The following PLEKHA7 variants were observed in gnomAD, a reference collection of about 807,000 sequenced individuals.
The protein encoded by PLEKHA7 is pleckstrin homology domain-containing family A member 7.
Under a neutral mutation model 170.0 loss-of-function variants are expected in PLEKHA7, and 104 were observed. The ratio of observed to expected loss-of-function variants is 0.61; its 90% confidence interval spans 0.52 to 0.72. The LOEUF (loss-of-function observed/expected upper bound fraction) is 0.72. Ranked by LOEUF, PLEKHA7 falls within the 30% of genes least tolerant of loss-of-function variation. The probability of loss-of-function intolerance (pLI) is 0.00; values close to 1 mark genes in which losing one functional copy is unlikely to be tolerated. For missense variants in PLEKHA7, 1,615 were observed against 1,671.7 expected, an observed-to-expected ratio of 0.97 and a Z score of 0.59; for synonymous variants, 648 against 660.8, an observed-to-expected ratio of 0.98 and a Z score of 0.30.
chr11:16,899,196 A>G (rs1021812769), intron 3 of PLEKHA7, among the ~76,000 whole-genome samples: 1 of 152,202 alleles, frequency 6.6e-6, no homozygotes, highest in African/African-American at 2.4e-5. Flanking sequence ...TGTTCAATAT[A>G]GACAAAACTT....
intron 3 of PLEKHA7, among the ~76,000 whole-genome samples, chr11:16,977,202 T>A (rs1227152892): frequency 1.3e-5 from 2 of 152,198 alleles, no homozygotes; most frequent in Non-Finnish European, 2.9e-5. Context: ...TGTCAACTCC[T>A]TGTTCAAAAG....
At chr11:16,787,719 T>C (rs1168403469) in intron 23 of PLEKHA7, 1 of 152,196 alleles carries the variant, frequency 6.6e-6, no homozygotes, top group Non-Finnish European at 1.5e-5. Context: ...GTCTTCTTTT[T>C]TAAGAGAAAA....
intron 3 of PLEKHA7, among the ~76,000 whole-genome samples, chr11:16,991,097 G>A (rs1024697408): frequency 6.6e-6 from 1 of 152,050 alleles, no homozygotes; most frequent in Non-Finnish European, 1.5e-5. Context: ...AACTGGAGAG[G>A]AATCTTTGGG....
chr11:16,801,543 G>A, intron 16 of PLEKHA7, 125 bp downstream of exon 16: 1 of 1,214,894 alleles, frequency 8.2e-7, no homozygotes, highest in Non-Finnish European at 1.1e-6. Context: ...TCTGCTACTG[G>A]AGAAGCTCTG....
intron 9 of PLEKHA7, among the ~76,000 whole-genome samples, chr11:16,836,538 C>G (rs781089192): frequency 2.6e-5 from 4 of 152,226 alleles, no homozygotes; most frequent in African/African-American, 4.8e-5. Context: ...TTGGGGCCAC[C>G]CACTTACAGA....
At chr11:16,806,750 G>A (rs1327089624) in intron 13 of PLEKHA7, among the ~76,000 whole-genome samples, 2 of 152,178 alleles carry the variant, frequency 1.3e-5, no homozygotes, top group Non-Finnish European at 1.5e-5. Flanking sequence ...CAGGGCCACC[G>A]TGGCATCTGA....
chr11:16,907,563 G>C (rs535750719), intron 3 of PLEKHA7, among the ~76,000 whole-genome samples: 2 of 122,718 alleles, frequency 1.6e-5, no homozygotes, highest in Non-Finnish European at 3.7e-5. Flanking sequence ...GAGGGAGGCG[G>C]GGGGGTCAGC....
At position 16,950,050 on chromosome 11, in the gene PLEKHA7, G is replaced by T. The variant is rs113345254; in HGVS notation, c.221+63939C>A. 4.1e-3 allele frequency among the ~76,000 whole-genome samples: 586 copies of T among 142,528 alleles called. 3 individuals are homozygous for T. The highest frequency in any genetic ancestry group is 0.014 in the African/African-American group (550 of 39,058). 93.5% of individuals were successfully genotyped at this position (142,528 alleles called of 152,430 possible). ...GAAAACCAGACAGCAAATGGTTAAG[G>T]GGGGAGTGAAGGCAGAGTAAAGTGT... is the stretch of plus-strand genomic sequence containing the variant. On this transcript the variant is annotated intron_variant, in intron 3 of 26. Coordinates refer to ENST00000531066, the MANE Select transcript of PLEKHA7 (RefSeq NM_001329630.2).
chr11:16,902,039 C>G (rs1349496152), intron 3 of PLEKHA7, among the ~76,000 whole-genome samples: 3 of 152,186 alleles, frequency 2.0e-5, no homozygotes, highest in Non-Finnish European at 4.4e-5. Flanking sequence ...CACTTTCTAT[C>G]TCTCTGGATT....
intron 9 of PLEKHA7, among the ~76,000 whole-genome samples, chr11:16,836,165 G>C (rs1164557427): frequency 6.6e-6 from 1 of 152,234 alleles, no homozygotes; most frequent in Non-Finnish European, 1.5e-5. Flanking sequence ...TTGATGATAT[G>C]AGTTTGGGCC....
chr11:16,915,233 C>CT (rs1858550522), intron 3 of PLEKHA7, among the ~76,000 whole-genome samples: 1 of 152,202 alleles, frequency 6.6e-6, no homozygotes, highest in African/African-American at 2.4e-5. Flanking sequence ...GCAGGCTGGC[C>CT]TCTTATCTCC....
chr11:16,902,777 G>A (rs7109209), intron 3 of PLEKHA7, among the ~76,000 whole-genome samples: 47,538 of 152,130 alleles, frequency 0.31, 8,804 homozygotes, highest in East Asian at 0.63. Flanking sequence ...TCTCTGCAAT[G>A]TAGAGATAAT....
chr11:16,933,019 A>G (rs1400278321), intron 3 of PLEKHA7, among the ~76,000 whole-genome samples: 1 of 152,214 alleles, frequency 6.6e-6, no homozygotes, highest in African/African-American at 2.4e-5. Flanking sequence ...GAAGGGTTTA[A>G]AAGAAAGGAG....
chr11:16,862,307 C>T (rs376152), intron 4 of PLEKHA7, among the ~76,000 whole-genome samples: 109,239 of 151,992 alleles, frequency 0.72, 42,816 homozygotes, highest in Non-Finnish European at 0.88. Context: ...TGCCTGTTCC[C>T]CAAATCGGAG....
intron 4 of PLEKHA7, among the ~76,000 whole-genome samples, chr11:16,860,257 C>T (rs1036991824): frequency 2.6e-5 from 4 of 152,162 alleles, no homozygotes; most frequent in African/African-American, 9.7e-5. Context: ...CTGCTTCCTG[C>T]ATATTTGGCA....
intron 3 of PLEKHA7, among the ~76,000 whole-genome samples, chr11:16,880,384 C>T (rs1251046654): frequency 6.6e-6 from 1 of 152,210 alleles, no homozygotes; most frequent in Non-Finnish European, 1.5e-5. Context: ...TTAATTCCGA[C>T]TCTGCATTGT....
intron 3 of PLEKHA7, among the ~76,000 whole-genome samples, chr11:16,933,112 A>G (rs1860058293): frequency 6.6e-6 from 1 of 152,236 alleles, no homozygotes; most frequent in South Asian, 2.1e-4. Context: ...ATAAAAACCT[A>G]ATAGTTACTC....
chr11:16,813,150 A>G lies in PLEKHA7; in HGVS notation c.1970T>C (p.Leu657Pro), dbSNP rs767810658. Residue 657 changes from leucine (L) to proline (P), a missense_variant, in exon 13 of 27, where the codon CTC becomes CCC. Coordinates refer to ENST00000531066, the MANE Select transcript of PLEKHA7 (RefSeq NM_001329630.2). Reference sequence around the variant, plus strand: ...GTACTCCAGGTCTTTCTTCAGCTGGAGGTAGGTATCATCAGCCTTCAAATG... The same window carrying G: ...GTACTCCAGGTCTTTCTTCAGCTGGGGGTAGGTATCATCAGCCTTCAAATG... The part of the protein sequence containing the change: ...LHGKSADDTY[L>P]QLKKDLEYLD... 1.2e-6 allele frequency: 2 copies of G among 1,613,590 alleles called. No homozygotes were observed. Among genetic ancestry groups the G allele is most frequent in the Non-Finnish European group, 1.7e-6 (2 of 1,179,532 alleles).
In PLEKHA7 at chr11:16,907,249, G is replaced by A. The variant is rs867268110; in HGVS notation, c.222-36067C>T. ...CCCACCTGGCCAGCCGCCCCGTCCG[G>A]GAAGGATGTGGGGGGGTCAGCCCCC... On this transcript the variant is annotated intron_variant, in intron 3 of 26. Transcript: ENST00000531066. Among the ~76,000 whole-genome samples, 169 of 143,866 alleles carry A rather than the reference G, an allele frequency of 1.2e-3. 2 individuals carry two copies. Among genetic ancestry groups the A allele is most frequent in the South Asian group, 2.1e-3 (9 of 4,332 alleles). The allele number at this position is 143,866 out of a possible 152,430, so 94.4% of individuals were successfully genotyped here.
Sources: allele counts gnomAD v4.1 joint callset (sites outside exome capture counted in the v4.1 genomes callset), GRCh38; gene constraint gnomAD v4.1.1; transcripts MANE v1.5; gene names NCBI Gene and HGNC (gene_info 2026-07-23, HGNC 2026-07-21).